Variants in LCA5 observed in about 807,000 individuals in gnomAD.
The protein encoded by LCA5 is lebercilin LCA5, also known as lebercilin.
In LCA5, 37 loss-of-function variants were observed where a neutral mutation model predicts 53.0. That is an observed-to-expected ratio of 0.70 (90% confidence interval 0.54 to 0.92). The LOEUF is 0.92. Among genes scored for constraint, LCA5 ranks in the 40% least tolerant of loss-of-function variants. The probability of loss-of-function intolerance (pLI) is 0.00; values close to 1 mark genes in which losing one functional copy is unlikely to be tolerated. For synonymous variants in LCA5, 303 were observed against 282.9 expected (o/e 1.07, Z -0.71); for missense variants, 806 against 790.5 (o/e 1.02, Z -0.23).
Position 79,513,585 on chromosome 6 carries a change from T to G in LCA5, c.347A>C (p.Gln116Pro). 5 of 1,613,982 alleles carry G rather than the reference T, an allele frequency of 3.1e-6. No homozygotes were observed. Among genetic ancestry groups the G allele is most frequent in the Non-Finnish European group, 4.2e-6 (5 of 1,179,898 alleles). Residue 116 changes from glutamine to proline, a missense_variant, in exon 3 of 8, where the codon CAG becomes CCG. Gln to Pro is a moderately conservative substitution (Grantham distance 76, BLOSUM62 -1). Coordinates refer to ENST00000369846, the MANE Select transcript of LCA5 (RefSeq NM_001122769.3). ...SARLLKINEL[Q>P]NEVSELQVKL... ...GACCTGGAGTTCAGATACTTCATTCTGCAACTCATTGATTTTTAGCAGTCT... is the reference window on the plus strand; with the variant it reads ...GACCTGGAGTTCAGATACTTCATTCGGCAACTCATTGATTTTTAGCAGTCT...
intron 1 of LCA5, among the ~76,000 whole-genome samples, chr6:79,535,409 G>A (rs1767084052): frequency 6.6e-6 from 1 of 152,198 alleles, no homozygotes; most frequent in Non-Finnish European, 1.5e-5. Context: ...GACAGACAGT[G>A]TTTTGAAAGT....
At chr6:79,529,387 T>G (rs1031661549) in intron 1 of LCA5, among the ~76,000 whole-genome samples, 22 of 152,176 alleles carry the variant, frequency 1.4e-4, no homozygotes, top group Non-Finnish European at 1.2e-4. Flanking sequence ...GCAGCCAGCC[T>G]GCAAATGTAA....
chr6:79,494,051 G>A (rs192572992), intron 3 of LCA5, among the ~76,000 whole-genome samples: 8 of 152,172 alleles, frequency 5.3e-5, no homozygotes, highest in Non-Finnish European at 1.5e-5. Flanking sequence ...GAGCTCTTGA[G>A]ACCAGCCTAG....
At chr6:79,509,550 C>T (rs1332532440) in intron 3 of LCA5, among the ~76,000 whole-genome samples, 1 of 151,412 alleles carries the variant, frequency 6.6e-6, no homozygotes, top group African/African-American at 2.4e-5. Context: ...TTTAGATGTA[C>T]CAACCCAACT....
In LCA5 at chr6:79,502,998, G is replaced by A. The variant is rs538322972; in HGVS notation, c.721-9248C>T. 9.9e-5 allele frequency among the ~76,000 whole-genome samples: 15 copies of A among 151,858 alleles called. No homozygotes were observed. In the East Asian group the frequency reaches 1.9e-3, roughly 20 times the overall value. The stretch of plus-strand genomic sequence containing the variant: ...CAGGTTCAAGCGATTCTCCTGCCTC[G>A]GCCTCCCGAGAAACTGGGATTACAA... On this transcript the variant is annotated intron_variant, in intron 3 of 7. Transcript: ENST00000369846.
At chr6:79,490,263 TA>T (rs1246319904) in intron 6 of LCA5, among the ~76,000 whole-genome samples, 1 of 151,826 alleles carries the variant, frequency 6.6e-6, no homozygotes, top group Non-Finnish European at 1.5e-5. Flanking sequence ...AAGAGCTTTA[TA>T]AATGTCATGA....
At chr6:79,499,891 C>T (rs1169557323) in intron 3 of LCA5, among the ~76,000 whole-genome samples, 1 of 150,804 alleles carries the variant, frequency 6.6e-6, no homozygotes, top group African/African-American at 2.4e-5. Context: ...GTTCCCCTTC[C>T]TGTGTCCATG....
intron 2 of LCA5, among the ~76,000 whole-genome samples, chr6:79,517,031 C>T (rs1766458172): frequency 6.6e-6 from 1 of 151,966 alleles, no homozygotes; most frequent in African/African-American, 2.4e-5. Context: ...GAAGAATATG[C>T]TATCAAACAC....
chr6:79,500,885 T>C (rs976009791), intron 3 of LCA5, among the ~76,000 whole-genome samples: 1 of 151,984 alleles, frequency 6.6e-6, no homozygotes, highest in African/African-American at 2.4e-5. Context: ...TTATGTCAGC[T>C]TTTTGACCCC....
intron 3 of LCA5, among the ~76,000 whole-genome samples, chr6:79,506,937 A>G (rs970197563): frequency 1.3e-5 from 2 of 152,222 alleles, no homozygotes; most frequent in Non-Finnish European, 2.9e-5. Context: ...AATGAATGTT[A>G]GTGTATCCAA....
intron 3 of LCA5, among the ~76,000 whole-genome samples, chr6:79,512,076 C>T (rs1020632877): frequency 1.3e-5 from 2 of 152,052 alleles, no homozygotes; most frequent in East Asian, 1.9e-4. Context: ...GCATTCTGTG[C>T]GCTTCGTAAT....
chr6:79,512,383 C>T (rs1397421256), intron 3 of LCA5, among the ~76,000 whole-genome samples: 1 of 151,988 alleles, frequency 6.6e-6, no homozygotes, highest in Non-Finnish European at 1.5e-5. Context: ...AAGTCCCCGT[C>T]CCTGGGCATG....
At chr6:79,496,791 A>T (rs1182948126) in intron 3 of LCA5, among the ~76,000 whole-genome samples, 1 of 152,188 alleles carries the variant, frequency 6.6e-6, no homozygotes, top group African/African-American at 2.4e-5. Context: ...GACAGACATT[A>T]GTACAATTTC....
At chr6:79,509,397 T>C (rs1248027216) in intron 3 of LCA5, among the ~76,000 whole-genome samples, 1 of 144,650 alleles carries the variant, frequency 6.9e-6, no homozygotes, top group African/African-American at 2.6e-5. Flanking sequence ...GAGGTTGCAG[T>C]GAGCCGAGAT....
Position 79,513,710 on chromosome 6 carries a change from T to A in LCA5, c.222A>T (p.Pro74=), listed in dbSNP as rs148386543. The part of the protein sequence containing the change: ...APRKPSPKGL[P]NRKGVRVGFR... ...ATCCCACTCGGACTCCCTTTCTGTT[T>A]GGTAGACCCTTAGGGCTTGGTTTCC... The change falls in exon 3 of 8, where the codon CCA becomes CCT. Residue 74 remains proline (P), a synonymous_variant. Transcript: ENST00000369846. The A allele has an allele frequency of 1.5e-4, 235 of 1,613,720 alleles. 1 individual carries two copies. The East Asian group carries it at 3.0e-3, about 20-fold the overall frequency.
At chr6:79,524,405 C>T (rs1255933292) in intron 1 of LCA5, among the ~76,000 whole-genome samples, 3 of 152,172 alleles carry the variant, frequency 2.0e-5, no homozygotes, top group East Asian at 3.9e-4. Flanking sequence ...TTTTACCTCA[C>T]ACTTGTTACT....
At chr6:79,496,840 G>T (rs999484041) in intron 3 of LCA5, among the ~76,000 whole-genome samples, 34 of 152,062 alleles carry the variant, frequency 2.2e-4, no homozygotes, top group African/African-American at 7.0e-4. Flanking sequence ...CCTTAGAAAA[G>T]GCTGTAACAA....
At chr6:79,516,485 C>A (rs899272300) in intron 2 of LCA5, among the ~76,000 whole-genome samples, 1 of 151,954 alleles carries the variant, frequency 6.6e-6, no homozygotes, top group Non-Finnish European at 1.5e-5. Context: ...TAATAAGAAT[C>A]AGGATAAAAA....
At chr6:79,514,915 G>A (rs768776997) in intron 2 of LCA5, among the ~76,000 whole-genome samples, 1 of 151,834 alleles carries the variant, frequency 6.6e-6, no homozygotes, top group Non-Finnish European at 1.5e-5. Context: ...ATGGATACTA[G>A]GCCTAATGCC....
Sources: gnomAD v4.1 joint callset for allele counts (sites outside exome capture counted in the v4.1 genomes callset) on GRCh38, gnomAD v4.1.1 for gene constraint, MANE v1.5 for transcripts, NCBI Gene and HGNC (gene_info 2026-07-23, HGNC 2026-07-21) for gene names.